The following SPDYE1 variants were observed in gnomAD, a reference collection of about 807,000 sequenced individuals.
SPDYE1 encodes speedy/RINGO cell cycle regulator family member E1, also known as speedy protein E1.
In SPDYE1, 29 loss-of-function variants were observed where a neutral mutation model predicts 45.9. The observed-to-expected ratio is 0.63, with a 90% CI of 0.47 to 0.86. SPDYE1 has a LOEUF of 0.86. SPDYE1 is among the 40% of genes least tolerant of loss of function. SPDYE1 has a pLI of 0.00. For synonymous variants in SPDYE1, 134 were observed against 176.8 expected (o/e 0.76, Z 1.92); for missense variants, 346 against 481.4 (o/e 0.72, Z 2.63).
At chr7:44,003,389 AAAAC>A (rs1190184190) in intron 4 of SPDYE1, among the ~76,000 whole-genome samples, 5 of 152,290 alleles carry the variant, frequency 3.3e-5, no homozygotes, top group African/African-American at 1.2e-4. Flanking sequence ...CAAATAAAGA[AAAAC>A]AAAATCAATA....
chr7:44,001,013 C>A (rs1387039112), intron 2 of SPDYE1, 53 bp from the exon 3 acceptor site: 1 of 1,596,906 alleles, frequency 6.3e-7, no homozygotes, highest in Non-Finnish European at 8.5e-7. Context: ...GGGTCGGGGT[C>A]TAAGGTGATC....
intron 5 of SPDYE1, 134 bp downstream of exon 5, chr7:44,004,045 T>G: frequency 9.4e-7 from 1 of 1,060,614 alleles, no homozygotes; most frequent in Non-Finnish European, 1.3e-6. Flanking sequence ...TTTTTTTTTT[T>G]GTGTGTGTGA....
Position 44,007,442 on chromosome 7 carries a change from T to C in SPDYE1, c.927T>C (p.Arg309=), listed in dbSNP as rs756956477. ...RKNRSHIPLV[R]KRRFQLRRCM... ...ACCGCTCTCACATACCCTTGGTCCG[T>C]AAGCGTCGGTTCCAGTTACGCCGTT... Residue 309 remains arginine, a synonymous_variant, in exon 7 of 9, where the codon CGT becomes CGC. Transcript: ENST00000693451. 3.2e-6 allele frequency: 5 copies of C among 1,572,914 alleles called. No individual in the cohort carries two copies.
In SPDYE1 at chr7:44,007,827, C is replaced by T; in HGVS notation, c.*45+14C>T. 1.2e-6 allele frequency: 2 copies of T among 1,600,100 alleles called. No homozygotes were observed. The highest frequency in any genetic ancestry group is 1.7e-5 in the Admixed American group (1 of 58,274). On this transcript the variant is annotated intron_variant, in intron 8 of 8. Transcript: ENST00000693451. ...GCCTGAGAGAAGGTACATCTGCATC[C>T]TCCGGGGTAAAGGCAGAATATTGGG...
chr7:44,005,465 G>A (rs2096069956), intron 6 of SPDYE1: 2 of 580,164 alleles, frequency 3.4e-6, no homozygotes, highest in Non-Finnish European at 5.9e-6. Flanking sequence ...ATCACCTGAG[G>A]TCAGCAGTTC....
intron 2 of SPDYE1, among the ~76,000 whole-genome samples, 167 bp downstream of exon 2, chr7:44,000,276 C>T (rs28496365): frequency 1.4e-5 from 2 of 145,218 alleles, no homozygotes; most frequent in East Asian, 2.1e-4. Flanking sequence ...GGTGAAACCC[C>T]ATCTCTACTA....
In SPDYE1 at chr7:44,007,447, G is replaced by A. The variant is rs138400459; in HGVS notation, c.932G>A (p.Arg311His). The stretch of plus-strand genomic sequence containing the variant: ...TCTCACATACCCTTGGTCCGTAAGC[G>A]TCGGTTCCAGTTACGCCGTTGCATG... Reference protein sequence around the residue: ...NRSHIPLVRKRRFQLRRCMNP... With the variant: ...NRSHIPLVRKHRFQLRRCMNP... The change falls in exon 7 of 9, where the codon CGT (arginine) becomes CAT (histidine). Residue 311 changes from arginine to histidine, a missense_variant. By Grantham distance (29) the Arg-to-His change is conservative. Coordinates refer to ENST00000693451, the MANE Select transcript of SPDYE1 (RefSeq NM_001378423.2). 174 of 1,573,110 alleles carry A rather than the reference G, an allele frequency of 1.1e-4. No individual in the cohort carries two copies. The highest frequency in any genetic ancestry group is 1.7e-4 in the Middle Eastern group (1 of 5,820).
rs556434928 is a variant in SPDYE1, at chr7:44,007,601, G to A, written c.1071+15G>A. On this transcript the variant is annotated intron_variant, in intron 7 of 8. Transcript: ENST00000693451. ...AGTTGGAGGAGGTGAGTGGGGCCTG[G>A]GGAGGTGGAGGAGGTGGGGAGGAAT... is the stretch of plus-strand genomic sequence containing the variant. 8.1e-5 allele frequency: 130 copies of A among 1,612,706 alleles called. No individual in the cohort carries two copies. The African/African-American group carries it at 1.3e-3, about 16-fold the overall frequency.
Position 44,002,795 on chromosome 7 carries a change from C to T in SPDYE1, c.585C>T (p.His195=), listed in dbSNP as rs766207747. ...TGTCGCTCGTGCTCCCTGAGCACCA[C>T]GAGGCCTTCAACAGGCTGCTTGGTA... ...RRVSLVLPEH[H]EAFNRLLEDP... Residue 195 remains histidine (H), a synonymous_variant, in exon 4 of 9, where the codon CAC becomes CAT. Coordinates refer to ENST00000693451, the MANE Select transcript of SPDYE1 (RefSeq NM_001378423.2). 6 of 1,528,418 alleles carry T rather than the reference C, an allele frequency of 3.9e-6. No homozygotes were observed. The highest frequency in any genetic ancestry group is 3.5e-5 in the South Asian group (3 of 86,592). The allele number at this position is 1,528,418 out of a possible 1,614,324, so 94.7% of individuals were successfully genotyped here. A position where few individuals can be genotyped will look rare whatever the true frequency, so the allele number is the denominator to read the frequency against.
chr7:44,007,177 C>T (rs770056198), intron 6 of SPDYE1, 91 bp from the exon 7 acceptor site: 25 of 1,609,378 alleles, frequency 1.6e-5, no homozygotes, highest in South Asian at 2.2e-5. Flanking sequence ...GAGCTAGGAA[C>T]GGTCCCTTAC....
rs2096062217 is a variant in SPDYE1, at chr7:44,001,067, C to T, written c.162C>T (p.Ala54=). 1.9e-6 allele frequency: 3 copies of T among 1,597,250 alleles called. No homozygotes were observed. Among genetic ancestry groups the T allele is most frequent in the South Asian group, 2.2e-5 (2 of 90,970 alleles). The change falls in exon 3 of 9, where the codon GCC becomes GCT. Residue 54 remains alanine (A), a splice_region_variant and synonymous_variant. Transcript: ENST00000693451. ...VVDDEVLGPS[A]PGVDPSPPCR... ...CAGTGGCCTGGTTTCTTTACTCAGC[C>T]CCTGGGGTAGATCCCAGCCCCCCAT... is the stretch of plus-strand genomic sequence containing the variant.
At chr7:44,008,303 ACAT>A (rs2096074644) in intron 8 of SPDYE1, among the ~76,000 whole-genome samples, 1 of 152,350 alleles carries the variant, frequency 6.6e-6, no homozygotes, top group African/African-American at 2.4e-5. Context: ...CATTAGAAAC[ACAT>A]CTAGCATGGT....
chr7:43,999,380 G>A (rs1377839296), intron 1 of SPDYE1, among the ~76,000 whole-genome samples, 148 bp from the exon 2 acceptor site: 1 of 147,446 alleles, frequency 6.8e-6, no homozygotes, highest in Non-Finnish European at 1.5e-5. Context: ...TTTTCATCAA[G>A]TCAGTATTCC....
At chr7:44,005,452 C>T (rs1171004604) in intron 6 of SPDYE1, 51 of 626,598 alleles carry the variant, frequency 8.1e-5, no homozygotes, top group Non-Finnish European at 1.2e-4. Flanking sequence ...CCGAGGCAGG[C>T]GGATCACCTG....
intron 5 of SPDYE1, chr7:44,004,807 T>C (rs2096068908): frequency 4.7e-6 from 2 of 425,074 alleles, no homozygotes; most frequent in Middle Eastern, 7.4e-4. Flanking sequence ...CTGAAGCTCC[T>C]GGCCCCTCTA....
chr7:44,008,426 T>C (rs2096074779), intron 8 of SPDYE1, among the ~76,000 whole-genome samples: 1 of 152,244 alleles, frequency 6.6e-6, no homozygotes, highest in African/African-American at 2.4e-5. Context: ...AAGTCCTTGC[T>C]ATGAAGCAGA....
chr7:44,004,111 C>T (rs1014713825), intron 5 of SPDYE1, 200 bp downstream of exon 5: 10 of 946,672 alleles, frequency 1.1e-5, no homozygotes, highest in Non-Finnish European at 1.5e-5. Context: ...TCTTCACTCA[C>T]TGCAGCCGAT....
Position 44,009,053 on chromosome 7 carries a change from C to T in SPDYE1, c.*432C>T. 1 of 324,064 alleles carries T rather than the reference C, an allele frequency of 3.1e-6. No homozygotes were observed. Among genetic ancestry groups the T allele is most frequent in the Non-Finnish European group, 6.0e-6 (1 of 167,782 alleles). The allele number at this position is 324,064 out of a possible 1,614,324, so 20.1% of individuals were successfully genotyped here. A position where few individuals can be genotyped will look rare whatever the true frequency, so the allele number is the denominator to read the frequency against. On this transcript the variant is annotated 3_prime_UTR_variant, in exon 9 of 9. Coordinates refer to ENST00000693451, the MANE Select transcript of SPDYE1 (RefSeq NM_001378423.2). ...CACAATGCAGGGGCTCAGATTGGCA[C>T]AGAATTCTTTTGTGAAATATCAGTG...
intron 8 of SPDYE1, 155 bp downstream of exon 8, chr7:44,007,968 T>A: frequency 6.7e-7 from 1 of 1,496,226 alleles, no homozygotes; most frequent in Non-Finnish European, 8.9e-7. Flanking sequence ...GTGGGACGCA[T>A]CTCTACTCCC....
Sources: allele counts gnomAD v4.1 joint callset (sites outside exome capture counted in the v4.1 genomes callset), GRCh38; gene constraint gnomAD v4.1.1; transcripts MANE v1.5; gene names NCBI Gene and HGNC (gene_info 2026-07-23, HGNC 2026-07-21).